Variants in SLC12A4 observed in about 807,000 individuals in gnomAD.
The protein encoded by SLC12A4 is electroneutral potassium-chloride cotransporter 1.
SLC12A4 carries 84 observed loss-of-function variants against 119.2 expected under a neutral mutation model. The observed-to-expected ratio is 0.70, with a 90% confidence interval of 0.59 to 0.85. The LOEUF (loss-of-function observed/expected upper bound fraction) is 0.85. SLC12A4 is among the 40% of genes least tolerant of loss of function. The pLI, the probability that SLC12A4 is intolerant of heterozygous loss-of-function variation, is 0.00. For synonymous variants in SLC12A4, 599 were observed against 604.6 expected (o/e 0.99, Z 0.14); for missense variants, 1,298 against 1,476.3 (o/e 0.88, Z 1.98).
chr16:67,953,119 G>A (rs892338995), intron 6 of SLC12A4, among the ~76,000 whole-genome samples: 4 of 150,806 alleles, frequency 2.7e-5, no homozygotes, highest in Admixed American at 6.6e-5. Flanking sequence ...TGAATAGGCC[G>A]GGCGCAATGG....
At position 67,951,590 on chromosome 16, in the gene SLC12A4, CAG is replaced by C. The variant is rs1405110315; in HGVS notation, c.1132+231_1132+232del. 6 of 611,136 alleles carry C rather than the reference CAG, an allele frequency of 9.8e-6. No homozygotes were observed. Among genetic ancestry groups the C allele is most frequent in the Non-Finnish European group, 1.7e-5 (6 of 347,678 alleles). 37.9% of individuals were successfully genotyped at this position (611,136 alleles called of 1,614,324 possible). A position where few individuals can be genotyped will look rare whatever the true frequency, so the allele number is the denominator to read the frequency against. ...CTGTGGGAACATCCCCAGGCAGTGTCAGGGGCTGGTGGCTGGGGAAGACAGGC... is the reference window on the plus strand; with the variant it reads ...CTGTGGGAACATCCCCAGGCAGTGTCGGGCTGGTGGCTGGGGAAGACAGGC... On this transcript the variant is annotated intron_variant, in intron 8 of 23. Coordinates refer to ENST00000316341, the MANE Select transcript of SLC12A4 (RefSeq NM_005072.5). This position sits in a 1 kb window ranked among gnomAD's most constrained non-coding sequence, Gnocchi z 5.2.
In SLC12A4 at chr16:67,950,634, G is replaced by T. The variant is rs200709665; in HGVS notation, c.1454+20C>A. 3 of 1,610,620 alleles carry T rather than the reference G, an allele frequency of 1.9e-6. No individual in the cohort carries two copies. Among genetic ancestry groups the T allele is most frequent in the East Asian group, 4.5e-5 (2 of 44,632 alleles). ...GCCAAAGCCCAGCCGCTGCTAAAGA[G>T]GGGGGCCCAGCTCACTCACTTGTCC... On this transcript the variant is annotated intron_variant, in intron 11 of 23. Coordinates refer to ENST00000316341, the MANE Select transcript of SLC12A4 (RefSeq NM_005072.5). The surrounding 1 kb of genome is among the most constrained non-coding windows in gnomAD (Gnocchi z 4.3).
intron 3 of SLC12A4, among the ~76,000 whole-genome samples, chr16:67,959,684 ACCCCCAT>A (rs1237989560): frequency 2.0e-5 from 3 of 152,034 alleles, no homozygotes; most frequent in Non-Finnish European, 4.4e-5. Context: ...TCCCAGTCCC[ACCCCCAT>A]CCCAGGCTGA....
intron 1 of SLC12A4, among the ~76,000 whole-genome samples, chr16:67,967,591 T>G (rs991510855): frequency 1.3e-5 from 2 of 152,102 alleles, no homozygotes; most frequent in African/African-American, 2.4e-5. Context: ...GGGGGCCTCC[T>G]GGGGTAGGAG....
chr16:67,965,249 C>A, intron 1 of SLC12A4, among the ~76,000 whole-genome samples: 1 of 152,190 alleles, frequency 6.6e-6, no homozygotes, highest in Non-Finnish European at 1.5e-5. Flanking sequence ...CTGCCTCTTA[C>A]ATTAATGACA....
intron 1 of SLC12A4, chr16:67,967,013 C>T: frequency 1.2e-6 from 1 of 849,154 alleles, no homozygotes; most frequent in Non-Finnish European, 1.7e-6. Context: ...AGTCTACCCT[C>T]TGGGGAGAGA....
Position 67,949,978 on chromosome 16 carries a change from G to T in SLC12A4, c.1630-60C>A, listed in dbSNP as rs139534460. 180 of 1,374,192 alleles carry T rather than the reference G, an allele frequency of 1.3e-4. 3 individuals carry two copies. In the East Asian group the frequency reaches 4.1e-3, roughly 31 times the overall value. The allele number at this position is 1,374,192 out of a possible 1,614,324, so 85.1% of individuals were successfully genotyped here. On this transcript the variant is annotated intron_variant, in intron 12 of 23. Transcript: ENST00000316341. This position sits in a 1 kb window ranked among gnomAD's most constrained non-coding sequence, Gnocchi z 4.6. ...CCCCCATTCCACACCTTGGGCCCCA[G>T]ACCCCAGCCTGGCCTCCCTCACCCC...
In SLC12A4 at chr16:67,951,166, A is replaced by C; in HGVS notation, c.1271T>G (p.Val424Gly). ...TGTTACAGAAGGGAAGAAGATGCCG[A>C]CCAGCACGGTGAAGGATGTGGCGAT... ...ADIATSFTVL[V>G]GIFFPSVTGI... The change falls in exon 9 of 24, where the codon GTC becomes GGC. Residue 424 changes from valine (V) to glycine (G), a missense_variant. By Grantham distance (109) the Val-to-Gly change is moderately radical. Coordinates refer to ENST00000316341, the MANE Select transcript of SLC12A4 (RefSeq NM_005072.5). The surrounding 1 kb of genome is among the most constrained non-coding windows in gnomAD (Gnocchi z 5.2). 1.2e-6 allele frequency: 2 copies of C among 1,613,994 alleles called. No homozygotes were observed. Among genetic ancestry groups the C allele is most frequent in the Non-Finnish European group, 1.7e-6 (2 of 1,179,934 alleles).
intron 6 of SLC12A4, among the ~76,000 whole-genome samples, chr16:67,953,462 G>T (rs1490012343): frequency 6.6e-6 from 1 of 152,188 alleles, no homozygotes; most frequent in Non-Finnish European, 1.5e-5. Context: ...CATATTATAT[G>T]ATTCTGTTTA....
At chr16:67,947,924 C>T in intron 14 of SLC12A4, 136 bp from the exon 15 acceptor site, 1 of 1,468,304 alleles carries the variant, frequency 6.8e-7, no homozygotes, top group Non-Finnish European at 9.4e-7. Context: ...GGTGTAAGAC[C>T]TAGGTCCAGT....
Position 67,968,565 on chromosome 16 carries a change from G to C in SLC12A4, c.-12C>G, listed in dbSNP as rs1246868988. 2 of 1,486,368 alleles carry C rather than the reference G, an allele frequency of 1.3e-6. No individual in the cohort carries two copies. Among genetic ancestry groups the C allele is most frequent in the Non-Finnish European group, 1.8e-6 (2 of 1,121,702 alleles). 92.1% of individuals were successfully genotyped at this position (1,486,368 alleles called of 1,614,324 possible). A position where few individuals can be genotyped will look rare whatever the true frequency, so the allele number is the denominator to read the frequency against. On this transcript the variant is annotated 5_prime_UTR_variant, in exon 1 of 24. Transcript: ENST00000316341. ...GTGAAGTGAGGCATCGTGCGGGCTC[G>C]GCCCCGCCGCACCCGCCGTCCCAGC...
At chr16:67,954,809 G>T (rs1475510611) in intron 5 of SLC12A4, 36 bp from the exon 6 acceptor site, 10 of 1,612,734 alleles carry the variant, frequency 6.2e-6, no homozygotes, top group African/African-American at 1.3e-5. Flanking sequence ...ACAGGTCAAG[G>T]CTGGTTCTTC....
Position 67,944,207 on chromosome 16 carries a change from G to T in SLC12A4, c.*633C>A. On this transcript the variant is annotated 3_prime_UTR_variant, in exon 24 of 24. Transcript: ENST00000316341. The surrounding 1 kb of genome is among the most constrained non-coding windows in gnomAD (Gnocchi z 6.6). ...CAGTGGGAGGGACGGCCTGGCCAGTGGGGGTTGTGGCCAGAGATTGCCGGA... is the reference window on the plus strand; with the variant it reads ...CAGTGGGAGGGACGGCCTGGCCAGTTGGGGTTGTGGCCAGAGATTGCCGGA... 6.8e-7 allele frequency: 1 copy of T among 1,470,208 alleles called. No individual in the cohort carries two copies. The highest frequency in any genetic ancestry group is 9.1e-7 in the Non-Finnish European group (1 of 1,104,876). 91.1% of individuals were successfully genotyped at this position (1,470,208 alleles called of 1,614,324 possible). A position where few individuals can be genotyped will look rare whatever the true frequency, so the allele number is the denominator to read the frequency against.
intron 5 of SLC12A4, among the ~76,000 whole-genome samples, chr16:67,955,438 T>C (rs1279910676): frequency 6.6e-6 from 1 of 152,196 alleles, no homozygotes; most frequent in Non-Finnish European, 1.5e-5. Flanking sequence ...AGAGTCAATC[T>C]TGGCTGGGCG....
At chr16:67,959,956 C>A (rs1432651281) in intron 3 of SLC12A4, among the ~76,000 whole-genome samples, 1 of 152,230 alleles carries the variant, frequency 6.6e-6, no homozygotes, top group Non-Finnish European at 1.5e-5. Context: ...AGCCCCAGAT[C>A]CCTAACTTCC....
rs776532309 is a variant in SLC12A4, at chr16:67,946,206, G to A, written c.2572C>T (p.Leu858Phe). Residue 858 changes from leucine (L) to phenylalanine (F), a missense_variant, in exon 19 of 24, where the codon CTC becomes TTC. Leu to Phe is a conservative substitution (Grantham distance 22). Transcript: ENST00000316341. ...VWWIVHDGGM[L>F]MLLPFLLRQH... ...CGCAGCAGGAAGGGCAGAAGCATGA[G>A]CATGCCACCATCGTGCACGATCCAC... The A allele has an allele frequency of 6.2e-7, 1 of 1,613,948 alleles. No homozygotes were observed. The highest frequency in any genetic ancestry group is 8.5e-7 in the Non-Finnish European group (1 of 1,180,040).
chr16:67,954,552 A>C, intron 6 of SLC12A4, 91 bp downstream of exon 6: 1 of 1,504,512 alleles, frequency 6.6e-7, no homozygotes, highest in Non-Finnish European at 9.1e-7. Flanking sequence ...TTGGCCAGAC[A>C]TGTGGGGATG....
chr16:67,963,261 T>C, intron 2 of SLC12A4: 1 of 348,400 alleles, frequency 2.9e-6, no homozygotes, highest in Non-Finnish European at 5.2e-6. Context: ...GAGGTAGCAA[T>C]GGGGGTGGGA....
chr16:67,945,761 GAC>G lies in SLC12A4; in HGVS notation c.2847+1_2847+2del. On this transcript the variant is annotated splice_donor_variant, in intron 21 of 23. Coordinates refer to ENST00000316341, the MANE Select transcript of SLC12A4 (RefSeq NM_005072.5). LOFTEE classifies it high-confidence loss of function. ...CCTGGCGTGAACCACAAAGGGCACT[GAC>G]TTCTCGCTCCCGCTCAGTCTTGGTC... is the stretch of plus-strand genomic sequence containing the variant. 1 of 1,612,480 alleles carries G rather than the reference GAC, an allele frequency of 6.2e-7. No homozygotes were observed. The highest frequency in any genetic ancestry group is 1.1e-5 in the South Asian group (1 of 91,006).
Sources: gnomAD v4.1 joint callset for allele counts (sites outside exome capture counted in the v4.1 genomes callset) on GRCh38, gnomAD v4.1.1 for gene constraint, Gnocchi (gnomAD v3.1) non-coding constraint, MANE v1.5 for transcripts, NCBI Gene and HGNC (gene_info 2026-07-23, HGNC 2026-07-21) for gene names.